C16orf74: variants seen among roughly 807,000 people sequenced by gnomAD.
C16orf74 encodes the protein uncharacterized protein C16orf74.
In C16orf74, 10 loss-of-function variants were observed where a neutral mutation model predicts 6.5. The observed-to-expected ratio is 1.54, with a 90% CI of 0.95 to 2.61. The LOEUF is 2.61. C16orf74 is among the 30% of genes most tolerant of loss of function. The probability of loss-of-function intolerance (pLI) is 0.00; values close to 1 mark genes in which losing one functional copy is unlikely to be tolerated. For synonymous variants in C16orf74, 60 were observed against 42.5 expected (o/e 1.41, Z -1.60); for missense variants, 141 against 105.9 (o/e 1.33, Z -1.45).
intron 1 of C16orf74, among the ~76,000 whole-genome samples, chr16:85,744,778 C>G (rs1166446077): frequency 3.0e-5 from 4 of 134,408 alleles, no homozygotes; most frequent in African/African-American, 5.7e-5. Context: ...TGCAGTGAGC[C>G]GAGATCGTGC....
At chr16:85,718,152 C>T (rs1158372532) in intron 2 of C16orf74, among the ~76,000 whole-genome samples, 1 of 152,214 alleles carries the variant, frequency 6.6e-6, no homozygotes, top group East Asian at 1.9e-4. Context: ...TCACTGCAGC[C>T]TGGACTTCCC....
At chr16:85,724,532 C>T (rs748691449) in intron 2 of C16orf74, among the ~76,000 whole-genome samples, 6 of 152,110 alleles carry the variant, frequency 3.9e-5, no homozygotes, top group Non-Finnish European at 7.4e-5. Flanking sequence ...GTGGACAGCA[C>T]GGAAGCCTTG....
intron 2 of C16orf74, among the ~76,000 whole-genome samples, chr16:85,728,922 G>A (rs1290565675): frequency 6.6e-6 from 1 of 152,202 alleles, no homozygotes; most frequent in Non-Finnish European, 1.5e-5. Flanking sequence ...TCCCCCCGGA[G>A]GATGTGTTGA....
At chr16:85,749,762 T>G (rs1276803728) in intron 1 of C16orf74, among the ~76,000 whole-genome samples, 1 of 152,244 alleles carries the variant, frequency 6.6e-6, no homozygotes, top group African/African-American at 2.4e-5. Context: ...AGAGGTGACC[T>G]GCACCTTGGG....
chr16:85,713,587 T>C (rs4843596), intron 2 of C16orf74, among the ~76,000 whole-genome samples: 100,078 of 152,102 alleles, frequency 0.66, 33,325 homozygotes, highest in East Asian at 0.86. Flanking sequence ...TTTCCCCTTT[T>C]GATAAGGACA....
intron 2 of C16orf74, among the ~76,000 whole-genome samples, chr16:85,727,705 T>C (rs745332455): frequency 6.6e-6 from 1 of 151,998 alleles, no homozygotes; most frequent in Non-Finnish European, 1.5e-5. Flanking sequence ...TCCTAGCTAC[T>C]TGGGAGGCTG....
chr16:85,749,509 CT>C (rs2054412178), intron 1 of C16orf74, among the ~76,000 whole-genome samples: 1 of 152,140 alleles, frequency 6.6e-6, no homozygotes, highest in African/African-American at 2.4e-5. Context: ...TCTCGAACTC[CT>C]GGCCTCAAGC....
chr16:85,719,333 T>A (rs2054056195), intron 2 of C16orf74, among the ~76,000 whole-genome samples: 1 of 152,072 alleles, frequency 6.6e-6, no homozygotes, highest in Admixed American at 6.6e-5. Flanking sequence ...AGGAATCAGG[T>A]CCCCAAGATT....
At chr16:85,746,285 G>C (rs1360511724) in intron 1 of C16orf74, among the ~76,000 whole-genome samples, 3 of 152,224 alleles carry the variant, frequency 2.0e-5, no homozygotes, top group Admixed American at 1.3e-4. Context: ...GGGAGACAGA[G>C]GCTGCAGCTA....
At chr16:85,708,724 G>A (rs1222404628) in intron 3 of C16orf74, among the ~76,000 whole-genome samples, 2 of 152,220 alleles carry the variant, frequency 1.3e-5, no homozygotes, top group Non-Finnish European at 2.9e-5. Flanking sequence ...CACCTGCACT[G>A]GCCCAACCCA....
rs1447946216 is a variant in C16orf74, at chr16:85,707,940, C to A, written c.*68G>T. On this transcript the variant is annotated 3_prime_UTR_variant, in exon 4 of 4. Transcript: ENST00000284245. ...ATTCAGCACACCTGCTCCAGGCAGC[C>A]ACGCCCCCGGACACCTGAAGCCGGG... 1.5e-5 allele frequency: 21 copies of A among 1,395,846 alleles called. No homozygotes were observed. Among genetic ancestry groups the A allele is most frequent in the Non-Finnish European group, 2.0e-5 (20 of 1,010,956 alleles). 86.5% of individuals were successfully genotyped at this position (1,395,846 alleles called of 1,614,324 possible).
chr16:85,710,119 GC>G (rs1217406078), intron 3 of C16orf74, 44 bp downstream of exon 3: 1 of 1,365,238 alleles, frequency 7.3e-7, no homozygotes. Context: ...TCTCCACCGG[GC>G]CCCCACAGCC....
At chr16:85,709,694 G>A (rs963683413) in intron 3 of C16orf74, among the ~76,000 whole-genome samples, 1 of 152,186 alleles carries the variant, frequency 6.6e-6, no homozygotes, top group Non-Finnish European at 1.5e-5. Flanking sequence ...TCCCTGGGAA[G>A]AACTCTATTT....
intron 2 of C16orf74, among the ~76,000 whole-genome samples, chr16:85,727,606 T>C (rs900337066): frequency 6.7e-6 from 1 of 148,808 alleles, no homozygotes; most frequent in East Asian, 2.0e-4. Context: ...GCCCAGGAGT[T>C]CAAGACCAAC....
At chr16:85,733,051 G>A (rs764614340) in intron 2 of C16orf74, among the ~76,000 whole-genome samples, 12 of 152,166 alleles carry the variant, frequency 7.9e-5, no homozygotes, top group South Asian at 2.1e-4. Flanking sequence ...ATCAAGTCCC[G>A]GCCTTGGGCT....
intron 1 of C16orf74, among the ~76,000 whole-genome samples, chr16:85,740,983 G>A (rs1452589812): frequency 1.3e-5 from 2 of 152,122 alleles, no homozygotes; most frequent in African/African-American, 4.8e-5. Context: ...GTAGGTAAAT[G>A]TTCATTTCTG....
At chr16:85,731,581 G>A (rs2054188051) in intron 2 of C16orf74, among the ~76,000 whole-genome samples, 1 of 152,210 alleles carries the variant, frequency 6.6e-6, no homozygotes, top group Non-Finnish European at 1.5e-5. Context: ...GCCCCAGGGA[G>A]TGAGAGTAAT....
At chr16:85,734,546 G>C (rs563947084) in intron 2 of C16orf74, among the ~76,000 whole-genome samples, 1 of 152,208 alleles carries the variant, frequency 6.6e-6, no homozygotes, top group Admixed American at 6.5e-5. Context: ...CAGCGGGGCC[G>C]CAAGTCAGAC....
intron 2 of C16orf74, among the ~76,000 whole-genome samples, chr16:85,719,339 A>G (rs1450222476): frequency 6.6e-6 from 1 of 152,116 alleles, no homozygotes. Flanking sequence ...CAGGTCCCCA[A>G]GATTTCAGGG....
Sources: allele counts gnomAD v4.1 joint callset (sites outside exome capture counted in the v4.1 genomes callset), GRCh38; gene constraint gnomAD v4.1.1; transcripts MANE v1.5; gene names NCBI Gene and HGNC (gene_info 2026-07-23, HGNC 2026-07-21).